Variants in CFAP54 observed in about 807,000 individuals in gnomAD.
CFAP54 encodes the protein cilia- and flagella-associated protein 54.
A neutral mutation model predicts 370.4 loss-of-function variants in CFAP54; 290 were observed. The observed-to-expected ratio is 0.78, with a 90% CI of 0.71 to 0.86. The LOEUF (loss-of-function observed/expected upper bound fraction) is 0.86. Ranked by LOEUF, CFAP54 falls within the 40% of genes least tolerant of loss-of-function variation. The pLI, the probability that CFAP54 is intolerant of heterozygous loss-of-function variation, is 0.00. For synonymous variants in CFAP54, 1,206 were observed against 1,236.5 expected (o/e 0.98, Z 0.52); for missense variants, 3,399 against 3,528.7 (o/e 0.96, Z 0.93).
At chr12:96,685,367 G>T (rs1049026469) in intron 42 of CFAP54, 129 bp downstream of exon 42, 11 of 701,910 alleles carry the variant, frequency 1.6e-5, no homozygotes, top group African/African-American at 3.6e-5. Flanking sequence ...TATCATACAG[G>T]GCCTTACAGT....
At position 96,489,766 on chromosome 12, in the gene CFAP54, G is replaced by A. The variant is rs759335147; in HGVS notation, c.157G>A (p.Glu53Lys). The A allele has an allele frequency of 2.0e-6, 3 of 1,536,134 alleles. No individual in the cohort carries two copies. Among genetic ancestry groups the A allele is most frequent in the Admixed American group, 2.0e-5 (1 of 51,006 alleles). The change falls in exon 1 of 68, where the codon GAG (glutamate) becomes AAG (lysine). Residue 53 changes from glutamate (E) to lysine (K), a missense_variant. Glu to Lys is a moderately conservative substitution (Grantham distance 56). Coordinates refer to ENST00000524981, the MANE Select transcript of CFAP54 (RefSeq NM_001306084.2). The stretch of plus-strand genomic sequence containing the variant: ...CTCGCTGCTTCAGTGGACCTGCCCC[G>A]AGGACTCATTGCCCCTAGCCGTGTT... The part of the protein sequence containing the change: ...RSSLLQWTCP[E>K]DSLPLAVFYG...
intron 9 of CFAP54, among the ~76,000 whole-genome samples, chr12:96,531,468 T>G (rs1380278710): frequency 6.6e-6 from 1 of 151,010 alleles, no homozygotes; most frequent in African/African-American, 2.4e-5. Context: ...TTTAAATTTC[T>G]TTCCTTATAT....
chr12:96,649,684 C>G (rs929520651), intron 34 of CFAP54, among the ~76,000 whole-genome samples: 1 of 152,180 alleles, frequency 6.6e-6, no homozygotes, highest in Admixed American at 6.5e-5. Context: ...CCCCATATAG[C>G]TAAATGATGC....
chr12:96,849,447 C>T (rs10860101), intron 66 of CFAP54, among the ~76,000 whole-genome samples: 2 of 151,876 alleles, frequency 1.3e-5, no homozygotes, highest in Non-Finnish European at 2.9e-5. Context: ...TTGATGAAAA[C>T]GTAACTGACA....
Position 96,663,876 on chromosome 12 carries a change from C to T in CFAP54, c.5507C>T (p.Ser1836Leu). ...FIGKQLKINS[S>L]TIEATSNCTD... ...GGGAAGCAGCTTAAGATTAATTCTT[C>T]AACCATTGAAGCAACAAGCAACTGC... The change falls in exon 39 of 68, where the codon TCA becomes TTA. Residue 1836 changes from serine to leucine, a missense_variant. By Grantham distance (145) the Ser-to-Leu change is moderately radical. Transcript: ENST00000524981. The T allele has an allele frequency of 6.2e-7, 1 of 1,613,376 alleles. No homozygotes were observed. The highest frequency in any genetic ancestry group is 8.5e-7 in the Non-Finnish European group (1 of 1,179,650).
intron 29 of CFAP54, among the ~76,000 whole-genome samples, chr12:96,626,510 A>T (rs1241529704): frequency 6.6e-6 from 1 of 152,206 alleles, no homozygotes. Flanking sequence ...ATTACTAGTT[A>T]TGATAATTAT....
chr12:96,622,339 CCTCTCTCT>C (rs371334823), intron 27 of CFAP54, among the ~76,000 whole-genome samples: 1 of 137,330 alleles, frequency 7.3e-6, no homozygotes, highest in East Asian at 2.2e-4. Context: ...GCCCTCCCTC[CCTCTCTCT>C]CTCTCTCTCT....
chr12:96,849,283 G>A (rs377092043), intron 66 of CFAP54, among the ~76,000 whole-genome samples: 11 of 152,248 alleles, frequency 7.2e-5, no homozygotes, highest in African/African-American at 2.2e-4. Context: ...GTGCTTTAAG[G>A]TTTTTGAAAG....
chr12:96,779,496 A>G (rs1592757034), intron 60 of CFAP54, among the ~76,000 whole-genome samples: 1 of 152,060 alleles, frequency 6.6e-6, no homozygotes, highest in East Asian at 1.9e-4. Flanking sequence ...AGATGTATGC[A>G]TTTTTATAAT....
rs1254852827 is a variant in CFAP54, at chr12:96,872,335, T to C, written c.*15-2783T>C. Among the ~76,000 whole-genome samples, 3 of 152,190 alleles carry C rather than the reference T, an allele frequency of 2.0e-5. No homozygotes were observed. The East Asian group carries it at 5.8e-4, about 29-fold the overall frequency. On this transcript the variant is annotated intron_variant, in intron 67 of 67. Transcript: ENST00000524981. The stretch of plus-strand genomic sequence containing the variant: ...ACCTATTAATCTAGATGACTTACAC[T>C]AGACTTACATTTAACCATATTATTA...
chr12:96,708,402 G>A lies in CFAP54; in HGVS notation c.6529-206G>A, dbSNP rs1957568525. Among the ~76,000 whole-genome samples, 11 of 152,100 alleles carry A rather than the reference G, an allele frequency of 7.2e-5. 1 individual carries two copies. Among genetic ancestry groups the A allele is most frequent in the Admixed American group, 7.2e-4 (11 of 15,264 alleles). On this transcript the variant is annotated intron_variant, in intron 47 of 67. Transcript: ENST00000524981. ...CTCATGAGGCACAGGTTAGAAATTG[G>A]TGGGGAACAGCAGAAGCATTGTTGA...
intron 65 of CFAP54, among the ~76,000 whole-genome samples, chr12:96,822,413 T>A (rs1959044018): frequency 6.6e-6 from 1 of 152,132 alleles, no homozygotes; most frequent in South Asian, 2.1e-4. Context: ...AGGGAGTATA[T>A]CCCAACTATT....
intron 39 of CFAP54, among the ~76,000 whole-genome samples, chr12:96,671,708 G>C (rs1957148299): frequency 1.3e-5 from 2 of 152,078 alleles, no homozygotes; most frequent in South Asian, 4.2e-4. Flanking sequence ...GATTGCTTGA[G>C]GTCAGAAGTT....
intron 3 of CFAP54, among the ~76,000 whole-genome samples, chr12:96,505,703 A>G (rs1188528945): frequency 1.3e-5 from 2 of 151,970 alleles, no homozygotes; most frequent in African/African-American, 4.8e-5. Flanking sequence ...GGGTTTCTCC[A>G]TGTTGGCCAG....
chr12:96,493,752 C>T (rs1010270556), intron 1 of CFAP54, among the ~76,000 whole-genome samples: 5 of 152,224 alleles, frequency 3.3e-5, no homozygotes, highest in South Asian at 2.1e-4. Flanking sequence ...GAGCCAAGAT[C>T]GCGCCAGTGC....
chr12:96,749,184 G>A (rs10860086), intron 55 of CFAP54, among the ~76,000 whole-genome samples: 54,990 of 152,034 alleles, frequency 0.36, 10,819 homozygotes, highest in East Asian at 0.58. Flanking sequence ...AGTAGATTTG[G>A]TGTCTGGTGA....
intron 50 of CFAP54, among the ~76,000 whole-genome samples, chr12:96,726,308 G>T (rs958683916): frequency 6.6e-5 from 10 of 152,040 alleles, no homozygotes; most frequent in African/African-American, 2.4e-4. Flanking sequence ...TCTGGTCCTG[G>T]ACTCTTTTTG....
Position 96,512,300 on chromosome 12 carries a change from T to TA in CFAP54, c.740-686_740-685insA, listed in dbSNP as rs1207268765. ...TGATAAGGAAACCATGGGAACCAAT[T>TA]TTATATATATATATATATATATATA... On this transcript the variant is annotated intron_variant, in intron 4 of 67. Coordinates refer to ENST00000524981, the MANE Select transcript of CFAP54 (RefSeq NM_001306084.2). Among the ~76,000 whole-genome samples the TA allele has an allele frequency of 3.9e-3, 103 of 26,494 alleles. 2 individuals are homozygous for TA. The highest frequency in any genetic ancestry group is 0.013 in the African/African-American group (66 of 5,182). The allele number at this position is 26,494 out of a possible 152,430, so 17.4% of individuals were successfully genotyped here.
At chr12:96,623,739 C>T (rs1409959876) in intron 27 of CFAP54, 28 bp from the exon 28 acceptor site, 7 of 1,179,816 alleles carry the variant, frequency 5.9e-6, no homozygotes, top group Non-Finnish European at 8.4e-6. Flanking sequence ...CGTTAAAGTA[C>T]ATTTTGACGT....
Sources: gnomAD v4.1 joint callset for allele counts (sites outside exome capture counted in the v4.1 genomes callset) on GRCh38, gnomAD v4.1.1 for gene constraint, MANE v1.5 for transcripts, NCBI Gene and HGNC (gene_info 2026-07-23, HGNC 2026-07-21) for gene names.